The following ABCC1 variants were observed in gnomAD, a reference collection of about 807,000 sequenced individuals.
ABCC1 encodes the protein ATP binding cassette subfamily C member 1 (ABCC1 blood group), also known as multidrug resistance-associated protein 1.
Under a neutral mutation model 172.9 loss-of-function variants are expected in ABCC1, and 83 were observed. That is an observed-to-expected ratio of 0.48 (90% CI 0.40 to 0.58). The LOEUF is 0.58. ABCC1 is among the 20% of genes least tolerant of loss of function. The pLI is 0.00. For missense variants in ABCC1, 1,817 were observed against 2,002.7 expected, an observed-to-expected ratio of 0.91 and a Z score of 1.77; for synonymous variants, 937 against 825.2, an observed-to-expected ratio of 1.14 and a Z score of -2.32.
intron 7 of ABCC1, among the ~76,000 whole-genome samples, chr16:16,038,140 G>A (rs1862954043): frequency 6.6e-6 from 1 of 152,106 alleles, no homozygotes; most frequent in Non-Finnish European, 1.5e-5. Flanking sequence ...TGTATACATG[G>A]TAGGTAGATG....
At chr16:16,044,074 G>T (rs1470013696) in intron 7 of ABCC1, among the ~76,000 whole-genome samples, 1 of 152,174 alleles carries the variant, frequency 6.6e-6, no homozygotes, top group African/African-American at 2.4e-5. Flanking sequence ...GGATTGCCTT[G>T]ACTCTAGATC....
At chr16:15,964,728 G>C (rs2046208128) in intron 1 of ABCC1, among the ~76,000 whole-genome samples, 1 of 151,402 alleles carries the variant, frequency 6.6e-6, no homozygotes, top group Admixed American at 6.6e-5. Context: ...ATGTTACCCA[G>C]GCTGGTTTTG....
Position 16,106,866 on chromosome 16 carries a change from C to T in ABCC1, c.2864C>T (p.Thr955Ile). The change falls in exon 21 of 31, where the codon ACA becomes ATA. Residue 955 changes from threonine (T) to isoleucine (I), a missense_variant. By Grantham distance (89) the Thr-to-Ile change is moderately conservative (BLOSUM62 -1). Transcript: ENST00000399410. The part of the protein sequence containing the change: ...WKLMEADKAQ[T>I]GQVKLSVYWD... ...CTGATGGAGGCTGACAAGGCGCAGA[C>T]AGGGCAGGTGAGATTCGCTCCTTAA... 2 of 1,614,074 alleles carry T rather than the reference C, an allele frequency of 1.2e-6. No individual in the cohort carries two copies. Among genetic ancestry groups the T allele is most frequent in the Non-Finnish European group, 1.7e-6 (2 of 1,179,998 alleles).
intron 1 of ABCC1, among the ~76,000 whole-genome samples, chr16:15,954,340 C>G (rs1185114773): frequency 6.6e-6 from 1 of 152,054 alleles, no homozygotes; most frequent in Non-Finnish European, 1.5e-5. Flanking sequence ...TGTTTTCCCC[C>G]TTTTTGGCTG....
At chr16:16,056,685 G>C in intron 12 of ABCC1, 1 of 216,902 alleles carries the variant, frequency 4.6e-6, no homozygotes, top group African/African-American at 2.3e-5. Flanking sequence ...AAACAAAAAA[G>C]TCACTATGTC....
intron 15 of ABCC1, among the ~76,000 whole-genome samples, chr16:16,078,693 C>G (rs909138206): frequency 7.2e-5 from 11 of 152,116 alleles, no homozygotes; most frequent in African/African-American, 2.7e-4. Context: ...TATTTATTTT[C>G]TGAGACAGAG....
chr16:15,960,810 A>C (rs1443083822), intron 1 of ABCC1, among the ~76,000 whole-genome samples: 3 of 152,016 alleles, frequency 2.0e-5, no homozygotes, highest in African/African-American at 4.8e-5. Context: ...ACTCAAAGGA[A>C]CTGCAGAGCC....
intron 3 of ABCC1, among the ~76,000 whole-genome samples, chr16:16,013,348 G>T (rs868253052): frequency 1.5e-4 from 22 of 151,286 alleles, no homozygotes; most frequent in African/African-American, 4.8e-4. Flanking sequence ...TCAGCTCAGT[G>T]TAGCCTCCGC....
intron 23 of ABCC1, among the ~76,000 whole-genome samples, chr16:16,116,444 G>T (rs1334796266): frequency 6.6e-6 from 1 of 151,948 alleles, no homozygotes; most frequent in Non-Finnish European, 1.5e-5. Flanking sequence ...ACATACCTAT[G>T]ATAAAGTTTA....
At chr16:16,019,954 C>T (rs761008218) in intron 5 of ABCC1, among the ~76,000 whole-genome samples, 13 of 152,280 alleles carry the variant, frequency 8.5e-5, no homozygotes, top group East Asian at 1.9e-4. Flanking sequence ...TTTGCAGTCT[C>T]GCTCTGTCGC....
At chr16:16,022,597 C>T (rs566639158) in intron 5 of ABCC1, among the ~76,000 whole-genome samples, 1 of 152,136 alleles carries the variant, frequency 6.6e-6, no homozygotes, top group East Asian at 1.9e-4. Flanking sequence ...CCCAGACCTA[C>T]CAAGTCAAAC....
Position 16,036,479 on chromosome 16 carries a change from G to C in ABCC1, c.685G>C (p.Val229Leu), listed in dbSNP as rs765516808. 33 of 1,613,224 alleles carry C rather than the reference G, an allele frequency of 2.0e-5. 1 individual carries two copies. The highest frequency in any genetic ancestry group is 2.5e-5 in the Non-Finnish European group (30 of 1,179,620). The change falls in exon 7 of 31, where the codon GTC becomes CTC. Residue 229 changes from valine (V) to leucine (L), a missense_variant. Coordinates refer to ENST00000399410, the MANE Select transcript of ABCC1 (RefSeq NM_004996.4). ...CTTGTGTCTTGGCCCCAGGTTGATT[G>C]TCCGGGGCTACCGCCAGCCCCTGGA... is the stretch of plus-strand genomic sequence containing the variant. ...ITFWWITGLI[V>L]RGYRQPLEGS... is the part of the protein sequence containing the mutation.
intron 13 of ABCC1, among the ~76,000 whole-genome samples, chr16:16,069,205 TAAATAA>T (rs199932490): frequency 0.11 from 15,634 of 136,616 alleles, 991 homozygotes; most frequent in East Asian, 0.15. Flanking sequence ...AATAAATAAA[TAAATAA>T]ATATGTTTGA....
chr16:16,085,517 C>A (rs898921611), intron 17 of ABCC1, among the ~76,000 whole-genome samples: 2 of 152,224 alleles, frequency 1.3e-5, no homozygotes, highest in African/African-American at 2.4e-5. Context: ...CGGTAGCTCA[C>A]GCCTATAATC....
chr16:16,098,587 C>G (rs1400896664), intron 19 of ABCC1, among the ~76,000 whole-genome samples: 4 of 152,252 alleles, frequency 2.6e-5, no homozygotes, highest in Admixed American at 2.6e-4. Context: ...CCACTTCCCT[C>G]CAGCCTGGGC....
intron 14 of ABCC1, among the ~76,000 whole-genome samples, chr16:16,075,667 C>T (rs2050529642): frequency 1.3e-5 from 2 of 152,140 alleles, no homozygotes. Flanking sequence ...TTAACGTGGG[C>T]TTTGTCTCCG....
chr16:16,134,305 CG>C (rs1567443326), intron 27 of ABCC1, 44 bp from the exon 28 acceptor site: 3 of 1,609,232 alleles, frequency 1.9e-6, no homozygotes, highest in South Asian at 1.1e-5. Flanking sequence ...GGGACAAGTC[CG>C]GATGCCAGCA....
At chr16:16,020,026 A>G (rs2048140212) in intron 5 of ABCC1, among the ~76,000 whole-genome samples, 1 of 152,100 alleles carries the variant, frequency 6.6e-6, no homozygotes, top group African/African-American at 2.4e-5. Context: ...GGTTCAAGCA[A>G]TTCTCCTGCC....
chr16:16,076,787 C>T (rs1025539705), intron 15 of ABCC1, among the ~76,000 whole-genome samples: 1 of 152,178 alleles, frequency 6.6e-6, no homozygotes, highest in East Asian at 1.9e-4. Context: ...TCTGCTTTAT[C>T]CTCACGCATC....
Sources: allele counts gnomAD v4.1 joint callset (sites outside exome capture counted in the v4.1 genomes callset), GRCh38; gene constraint gnomAD v4.1.1; transcripts MANE v1.5; gene names NCBI Gene and HGNC (gene_info 2026-07-23, HGNC 2026-07-21).